AFAP1: variants seen among roughly 807,000 people sequenced by gnomAD.
AFAP1 encodes actin filament associated protein 1, also known as actin filament-associated protein 1.
AFAP1 carries 75 observed loss-of-function variants against 93.9 expected under a neutral mutation model. The observed-to-expected ratio is 0.80, with a 90% CI of 0.66 to 0.97. The LOEUF (loss-of-function observed/expected upper bound fraction) is 0.97, where lower values mean the gene tolerates loss of function less well. AFAP1 is among the 50% of genes least tolerant of loss of function. AFAP1 has a pLI of 0.00. For synonymous variants in AFAP1, 517 were observed against 430.7 expected, an observed-to-expected ratio of 1.20 and a Z score of -2.48; for missense variants, 1,201 against 1,050.8, an observed-to-expected ratio of 1.14 and a Z score of -1.98.
chr4:7,864,167 A>AACTTCTCATCACAACACATT (rs1577313455), intron 3 of AFAP1, among the ~76,000 whole-genome samples: 1 of 125,728 alleles, frequency 8.0e-6, no homozygotes, highest in South Asian at 2.7e-4. Context: ...ATCACAACCC[A>AACTTCTCATCACAACACATT]CAGGTCCTTT....
rs1020038617 is a variant in AFAP1, at chr4:7,868,506, C to T, written c.225+116G>A. The T allele has an allele frequency of 5.9e-6, 5 of 843,698 alleles. No homozygotes were observed. In the African/African-American group the frequency reaches 6.9e-5, roughly 12 times the overall value. 52.3% of individuals were successfully genotyped at this position (843,698 alleles called of 1,614,324 possible). ...TAGAAATATACTCAAAGGAGTGCCT[C>T]GAGACAAATAAGGGCTCCATTCTTC... On this transcript the variant is annotated intron_variant, in intron 3 of 17. Coordinates refer to ENST00000420658, the MANE Select transcript of AFAP1 (RefSeq NM_001134647.2).
intron 1 of AFAP1, among the ~76,000 whole-genome samples, chr4:7,892,166 C>T (rs1247539444): frequency 1.3e-5 from 2 of 152,160 alleles, no homozygotes; most frequent in Non-Finnish European, 2.9e-5. Context: ...CAAATTTCTC[C>T]TAAATCACTG....
chr4:7,891,773 G>T (rs543873422), intron 1 of AFAP1, among the ~76,000 whole-genome samples: 1 of 149,094 alleles, frequency 6.7e-6, no homozygotes, highest in Non-Finnish European at 1.5e-5. Flanking sequence ...AAAAGGCCGG[G>T]CGTGGTGGCT....
rs1449367005 is a variant in AFAP1 at position 7,939,500 on chromosome 4, T to C, written c.-3+156A>G. 3.1e-6 allele frequency: 1 copy of C among 320,198 alleles called. No homozygotes were observed. The highest frequency in any genetic ancestry group is 2.3e-5 in the South Asian group (1 of 44,150). The allele number at this position is 320,198 out of a possible 1,614,324, so 19.8% of individuals were successfully genotyped here. ...GACCCCCGCGCGGGCCCACGCGGCG[T>C]CGCAGCAGGCGCGGAGCCCCCGGTA... On this transcript the variant is annotated intron_variant, in intron 1 of 17. Coordinates refer to ENST00000420658, the MANE Select transcript of AFAP1 (RefSeq NM_001134647.2). This position sits in a 1 kb window ranked among gnomAD's most constrained non-coding sequence, Gnocchi z 5.6.
chr4:7,813,395 G>A (rs144016458), intron 8 of AFAP1, among the ~76,000 whole-genome samples: 193 of 152,324 alleles, frequency 1.3e-3, no homozygotes, highest in African/African-American at 3.7e-3. Flanking sequence ...GGTCACCACC[G>A]TTTAATTCCA....
chr4:7,926,339 C>T (rs148104109), intron 1 of AFAP1, among the ~76,000 whole-genome samples: 76 of 152,258 alleles, frequency 5.0e-4, no homozygotes, highest in Middle Eastern at 3.4e-3. Context: ...TAATCCGTAA[C>T]GCAGTTATCA....
At chr4:7,800,828 G>A (rs548676450) in intron 9 of AFAP1, among the ~76,000 whole-genome samples, 175 bp from the exon 10 acceptor site, 336 of 152,320 alleles carry the variant, frequency 2.2e-3, no homozygotes, top group African/African-American at 7.8e-3. Flanking sequence ...CGTGGCTACG[G>A]CATCACAAGT....
At chr4:7,796,150 A>G (rs1249704739) in intron 10 of AFAP1, among the ~76,000 whole-genome samples, 1 of 152,126 alleles carries the variant, frequency 6.6e-6, no homozygotes, top group African/African-American at 2.4e-5. Context: ...GGCAGAAGTG[A>G]GCACATCTGG....
intron 17 of AFAP1, among the ~76,000 whole-genome samples, chr4:7,767,893 G>A (rs182311495): frequency 3.3e-5 from 5 of 152,306 alleles, no homozygotes; most frequent in Admixed American, 2.0e-4. Flanking sequence ...GGGCGATACT[G>A]GCCAAACCTC....
intron 8 of AFAP1, among the ~76,000 whole-genome samples, 166 bp from the exon 9 acceptor site, chr4:7,809,929 G>C (rs1023582067): frequency 2.0e-5 from 3 of 152,156 alleles, no homozygotes; most frequent in South Asian, 2.1e-4. Context: ...TGTGATCACA[G>C]CTCAATGCAG....
In AFAP1 at chr4:7,843,127, CA is replaced by C; in HGVS notation, c.546+11del. ...ATCTTACAAAAAATGCAAGCGATTCCAAATGTCTTACCAGCAGTTTGGTGTC... is the reference window on the plus strand; with the variant it reads ...ATCTTACAAAAAATGCAAGCGATTCCAATGTCTTACCAGCAGTTTGGTGTC... On this transcript the variant is annotated intron_variant, in intron 5 of 17. Coordinates refer to ENST00000420658, the MANE Select transcript of AFAP1 (RefSeq NM_001134647.2). 1 of 1,612,238 alleles carries C rather than the reference CA, an allele frequency of 6.2e-7. No individual in the cohort carries two copies. Among genetic ancestry groups the C allele is most frequent in the East Asian group, 2.2e-5 (1 of 44,828 alleles).
At chr4:7,897,939 C>T (rs1718885631) in intron 1 of AFAP1, among the ~76,000 whole-genome samples, 2 of 152,190 alleles carry the variant, frequency 1.3e-5, no homozygotes. Context: ...TTCCCCATCC[C>T]AATAACAGCA....
At chr4:7,764,949 T>C (rs1309005361) in intron 17 of AFAP1, among the ~76,000 whole-genome samples, 3 of 151,970 alleles carry the variant, frequency 2.0e-5, no homozygotes, top group African/African-American at 7.3e-5. Flanking sequence ...CTACAAAAAA[T>C]ACAAAAATTA....
rs549778690 is a variant in AFAP1, at chr4:7,779,075, A to G, written c.1783-199T>C. The G allele has an allele frequency of 2.0e-4, 117 of 573,416 alleles. No homozygotes were observed. In the African/African-American group the frequency reaches 2.1e-3, roughly 10 times the overall value. 35.5% of individuals were successfully genotyped at this position (573,416 alleles called of 1,614,324 possible). ...CTGGGATTCTGGGGAATGGCTAAGG[A>G]GGGTACGGCAGAGGCTCTGTAGGAT... On this transcript the variant is annotated intron_variant, in intron 13 of 17. Transcript: ENST00000420658.
intron 1 of AFAP1, among the ~76,000 whole-genome samples, chr4:7,873,341 CCTTTT>C (rs1197267661): frequency 2.0e-5 from 2 of 101,534 alleles, no homozygotes; most frequent in African/African-American, 7.5e-5. Flanking sequence ...TGAAGACACA[CCTTTT>C]TTTTTTTTTT....
chr4:7,834,156 A>T (rs1428621260), intron 6 of AFAP1, among the ~76,000 whole-genome samples: 1 of 146,802 alleles, frequency 6.8e-6, no homozygotes, highest in Non-Finnish European at 1.5e-5. Context: ...CTACTCAGCC[A>T]TAAAAAGGAA....
At chr4:7,838,437 CAAAATT>C (rs567891544) in intron 6 of AFAP1, 81 bp downstream of exon 6, 106 of 1,449,574 alleles carry the variant, frequency 7.3e-5, no homozygotes, top group South Asian at 4.5e-5. Context: ...TATGCTTGAA[CAAAATT>C]AAAATTAAAA....
At chr4:7,913,686 A>T (rs1051414844) in intron 1 of AFAP1, among the ~76,000 whole-genome samples, 1 of 152,226 alleles carries the variant, frequency 6.6e-6, no homozygotes, top group Non-Finnish European at 1.5e-5. Context: ...TAAAAAAGTC[A>T]TCACTGCAAA....
intron 6 of AFAP1, among the ~76,000 whole-genome samples, chr4:7,837,582 C>A (rs1712461169): frequency 6.6e-6 from 1 of 152,142 alleles, no homozygotes; most frequent in Non-Finnish European, 1.5e-5. Context: ...TCAGAGCAAT[C>A]CAAGTAGACT....
Sources: gnomAD v4.1 joint callset for allele counts (sites outside exome capture counted in the v4.1 genomes callset) on GRCh38, gnomAD v4.1.1 for gene constraint, Gnocchi (gnomAD v3.1) non-coding constraint, MANE v1.5 for transcripts, NCBI Gene and HGNC (gene_info 2026-07-23, HGNC 2026-07-21) for gene names.